Variants in SPIN1 observed in about 807,000 individuals in gnomAD.
SPIN1 encodes the protein spindlin-1.
A neutral mutation model predicts 26.0 loss-of-function variants in SPIN1; 3 were observed. The ratio of observed to expected loss-of-function variants is 0.12; its 90% CI spans 0.05 to 0.30. SPIN1 has a LOEUF of 0.30. Among genes scored for constraint, SPIN1 ranks in the 10% least tolerant of loss-of-function variants. The pLI is 1.00. For synonymous variants in SPIN1, 101 were observed against 116.5 expected (o/e 0.87, Z 0.86); for missense variants, 126 against 333.4 (o/e 0.38, Z 4.84).
intron 1 of SPIN1, among the ~76,000 whole-genome samples, chr9:88,408,864 C>T (rs1827369512): frequency 6.6e-6 from 1 of 150,850 alleles, no homozygotes; most frequent in East Asian, 2.0e-4. Context: ...CGGGGTTTCA[C>T]CATGTTGGCC....
At chr9:88,466,548 C>T (rs1035978304) in intron 4 of SPIN1, among the ~76,000 whole-genome samples, 4 of 151,994 alleles carry the variant, frequency 2.6e-5, no homozygotes, top group Non-Finnish European at 4.4e-5. Context: ...CTGTCATACA[C>T]GGGGGGAATT....
intron 1 of SPIN1, among the ~76,000 whole-genome samples, chr9:88,398,962 T>A (rs980517070): frequency 1.3e-5 from 2 of 151,980 alleles, no homozygotes; most frequent in Non-Finnish European, 2.9e-5. Context: ...ATATGGGATA[T>A]GTGTGTGTAT....
chr9:88,392,867 C>T (rs1826961512), intron 1 of SPIN1, among the ~76,000 whole-genome samples: 1 of 152,140 alleles, frequency 6.6e-6, no homozygotes, highest in Admixed American at 6.5e-5. Flanking sequence ...GCTGATCTGT[C>T]TAGGGATGAA....
chr9:88,475,422 A>C lies in SPIN1; in HGVS notation c.*145A>C, dbSNP rs571603855. ...TGCCAGCAGAACTGGTTTTGTTCTG[A>C]ATAGTACAGATTGATGTGAACACAA... On this transcript the variant is annotated 3_prime_UTR_variant, in exon 6 of 6. Transcript: ENST00000375859. 9.3e-6 allele frequency: 7 copies of C among 749,508 alleles called. No individual in the cohort carries two copies. Among genetic ancestry groups the C allele is most frequent in the Non-Finnish European group, 1.5e-5 (7 of 470,204 alleles). The allele number at this position is 749,508 out of a possible 1,614,324, so 46.4% of individuals were successfully genotyped here. A position where few individuals can be genotyped will look rare whatever the true frequency, so the allele number is the denominator to read the frequency against.
At chr9:88,451,130 A>G (rs1587807493) in intron 3 of SPIN1, among the ~76,000 whole-genome samples, 1 of 152,068 alleles carries the variant, frequency 6.6e-6, no homozygotes, top group African/African-American at 2.4e-5. Flanking sequence ...AAACAGAACT[A>G]TAGCATCCCT....
intron 1 of SPIN1, among the ~76,000 whole-genome samples, chr9:88,406,755 TTA>T (rs1554692023): frequency 6.6e-6 from 1 of 152,164 alleles, no homozygotes. Context: ...TTGCCTTCTT[TTA>T]GATGCTTATT....
intron 1 of SPIN1, chr9:88,411,402 A>G (rs1020942678): frequency 3.3e-5 from 53 of 1,592,908 alleles, no homozygotes; most frequent in African/African-American, 4.0e-5. Flanking sequence ...TCAAAGCTCA[A>G]CCCTCCAATG....
chr9:88,400,367 C>G (rs573210016), intron 1 of SPIN1, among the ~76,000 whole-genome samples: 2 of 152,278 alleles, frequency 1.3e-5, no homozygotes, highest in South Asian at 2.1e-4. Flanking sequence ...TTGAATCAGG[C>G]AGAATTTATT....
chr9:88,392,603 C>T lies in SPIN1; in HGVS notation c.-159+4065C>T, dbSNP rs201081423. ...CTCCTCTCCTCTCTTCTCCTTCCTT[C>T]CCTCCTTCCTTCCTTCTTTCCTTCC... is the stretch of plus-strand genomic sequence containing the variant. On this transcript the variant is annotated intron_variant, in intron 1 of 5. Coordinates refer to ENST00000375859, the MANE Select transcript of SPIN1 (RefSeq NM_006717.3). Among the ~76,000 whole-genome samples the T allele has an allele frequency of 6.6e-5, 10 of 152,002 alleles. No individual in the cohort carries two copies. The East Asian group carries it at 1.2e-3, about 18-fold the overall frequency.
At chr9:88,416,541 T>C (rs1238506950) in intron 1 of SPIN1, 1 of 152,222 alleles carries the variant, frequency 6.6e-6, no homozygotes, top group Non-Finnish European at 1.5e-5. Flanking sequence ...GGTAAACCCT[T>C]GTGATGCTGC....
chr9:88,458,894 A>C (rs1019162787), intron 3 of SPIN1, among the ~76,000 whole-genome samples: 9 of 152,140 alleles, frequency 5.9e-5, no homozygotes, highest in Non-Finnish European at 1.5e-5. Context: ...CAACATTATG[A>C]GGGCAGTCTG....
intron 2 of SPIN1, among the ~76,000 whole-genome samples, chr9:88,434,271 G>GT (rs1426850065): frequency 1.3e-5 from 2 of 151,358 alleles, no homozygotes; most frequent in Non-Finnish European, 2.9e-5. Flanking sequence ...GTTTAGTATA[G>GT]TTTAACTGTT....
At chr9:88,465,812 T>C (rs1041110417) in intron 4 of SPIN1, among the ~76,000 whole-genome samples, 6 of 152,228 alleles carry the variant, frequency 3.9e-5, no homozygotes, top group African/African-American at 1.4e-4. Flanking sequence ...TAGAATTATC[T>C]GAAAGACGAT....
intron 1 of SPIN1, chr9:88,411,144 T>C (rs1348221009): frequency 1.5e-5 from 23 of 1,494,436 alleles, no homozygotes; most frequent in Admixed American, 1.0e-4. Flanking sequence ...CCAACAAATA[T>C]CTTTTTCACA....
intron 1 of SPIN1, among the ~76,000 whole-genome samples, chr9:88,425,577 C>T (rs1356719307): frequency 1.3e-5 from 2 of 151,500 alleles, no homozygotes. Flanking sequence ...ACTCCGGAGG[C>T]TGAGGCAGAA....
chr9:88,392,732 A>G (rs923695977), intron 1 of SPIN1, among the ~76,000 whole-genome samples: 1 of 151,974 alleles, frequency 6.6e-6, no homozygotes. Flanking sequence ...GAGAACACCT[A>G]CCTCATCAGG....
intron 1 of SPIN1, among the ~76,000 whole-genome samples, chr9:88,401,083 G>A (rs538976377): frequency 7.2e-5 from 11 of 152,292 alleles, no homozygotes; most frequent in Non-Finnish European, 1.5e-4. Context: ...TGGTGGAACT[G>A]TACTTTGCTA....
intron 1 of SPIN1, chr9:88,419,041 T>C (rs553550426): frequency 6.6e-6 from 1 of 152,358 alleles, no homozygotes; most frequent in Non-Finnish European, 1.5e-5. Context: ...GACACATTTT[T>C]AAGATTAGTA....
intron 1 of SPIN1, among the ~76,000 whole-genome samples, chr9:88,392,048 A>G (rs997192864): frequency 7.9e-5 from 12 of 152,194 alleles, no homozygotes; most frequent in African/African-American, 2.7e-4. Flanking sequence ...GATAAAACCT[A>G]TGGTGTAAGT....
Sources: allele counts gnomAD v4.1 joint callset (sites outside exome capture counted in the v4.1 genomes callset), GRCh38; gene constraint gnomAD v4.1.1; transcripts MANE v1.5; gene names NCBI Gene and HGNC (gene_info 2026-07-23, HGNC 2026-07-21).